The following TSPOAP1 variants were observed in gnomAD, a reference collection of about 807,000 sequenced individuals.
The protein encoded by TSPOAP1 is peripheral-type benzodiazepine receptor-associated protein 1.
A neutral mutation model predicts 197.0 loss-of-function variants in TSPOAP1; 87 were observed. That is an observed-to-expected ratio of 0.44 (90% CI 0.37 to 0.53). The LOEUF is 0.53. Ranked by LOEUF, TSPOAP1 falls within the 20% of genes least tolerant of loss-of-function variation. TSPOAP1 has a pLI of 0.00. For synonymous variants in TSPOAP1, 913 were observed against 998.9 expected (o/e 0.91, Z 1.62); for missense variants, 2,174 against 2,411.3 (o/e 0.90, Z 2.06).
At chr17:58,303,753 C>G (rs1182914703) in intron 31 of TSPOAP1, 1 of 152,268 alleles carries the variant, frequency 6.6e-6, no homozygotes, top group Non-Finnish European at 1.5e-5. Flanking sequence ...GCTCAAGTGA[C>G]TCCCACCTCA....
At position 58,312,402 on chromosome 17, in the gene TSPOAP1, C is replaced by A. The variant is rs756733244; in HGVS notation, c.2419G>T (p.Val807Leu). The A allele has an allele frequency of 1.9e-6, 3 of 1,612,738 alleles. No individual in the cohort carries two copies. Among genetic ancestry groups the A allele is most frequent in the South Asian group, 1.1e-5 (1 of 90,954 alleles). The change falls in exon 17 of 32, where the codon GTG becomes TTG. Residue 807 changes from valine to leucine, a missense_variant. By Grantham distance (32) the Val-to-Leu change is conservative. Around this residue, in one of 5 missense-constraint regions of TSPOAP1, gnomAD observed 1,933 missense variants for 2,139.0 expected, o/e 0.90. Transcript: ENST00000343736. ...GGAGGCGGCTCCCAGGCCAGCACCA[C>A]GCTGTGGGCCAGCTGCTTGAGGACC... is the stretch of plus-strand genomic sequence containing the variant. ...LVVLKQLAHS[V>L]VLAWEPPPEQ...
Position 58,311,643 on chromosome 17 carries a change from G to A in TSPOAP1, c.3009C>T (p.Val1003=). The change falls in exon 18 of 32, where the codon GTC becomes GTT. Residue 1003 remains valine, a synonymous_variant. Transcript: ENST00000343736. ...PGILIISWLP[V]TIDAAGTSNG... is the part of the protein sequence containing the mutation. Reference sequence around the variant, plus strand: ...TGGATGTGCCAGCAGCATCGATGGTGACTGGGAGCCAACTGATGATCAAGA... The same window carrying A: ...TGGATGTGCCAGCAGCATCGATGGTAACTGGGAGCCAACTGATGATCAAGA... 3 of 1,611,358 alleles carry A rather than the reference G, an allele frequency of 1.9e-6. No individual in the cohort carries two copies. The highest frequency in any genetic ancestry group is 3.3e-5 in the Admixed American group (2 of 59,808).
In TSPOAP1 at chr17:58,327,571, C is replaced by A; in HGVS notation, c.333+17G>T. 1 of 1,605,412 alleles carries A rather than the reference C, an allele frequency of 6.2e-7. No individual in the cohort carries two copies. Among genetic ancestry groups the A allele is most frequent in the Non-Finnish European group, 8.5e-7 (1 of 1,174,300 alleles). The stretch of plus-strand genomic sequence containing the variant: ...GACCCCCACCTTGCAGACCCCAGCC[C>A]TCCACAGATCCCTTACCTTCAGGAA... On this transcript the variant is annotated intron_variant, in intron 1 of 31. Transcript: ENST00000343736.
chr17:58,320,715 A>T (rs1971379821), intron 10 of TSPOAP1, 134 bp from the exon 11 acceptor site: 1 of 622,178 alleles, frequency 1.6e-6, no homozygotes, highest in African/African-American at 1.9e-5. Flanking sequence ...AAGGGTAGGG[A>T]GAGAGGGAAG....
Position 58,311,176 on chromosome 17 carries a change from A to G in TSPOAP1, c.3119T>C (p.Leu1040Pro). 2 of 1,611,946 alleles carry G rather than the reference A, an allele frequency of 1.2e-6. No individual in the cohort carries two copies. Among genetic ancestry groups the G allele is most frequent in the Non-Finnish European group, 1.7e-6 (2 of 1,179,678 alleles). ...CAGCTGCAGCTGGGACAACTCCACC[A>G]GTACACTGCCTGCCGTGGGTGAGGC... is the stretch of plus-strand genomic sequence containing the variant. ...EVASPTAGSV[L>P]VELSQLQLLQ... Residue 1040 changes from leucine to proline, a missense_variant, in exon 19 of 32, where the codon CTG (leucine) becomes CCG (proline). Leu to Pro is a moderately conservative substitution (Grantham distance 98). This residue lies in a region of TSPOAP1 where 1,933 missense variants were observed against 2,139.0 expected (regional missense o/e 0.90). Coordinates refer to ENST00000343736, the MANE Select transcript of TSPOAP1 (RefSeq NM_004758.4).
chr17:58,305,060 C>T lies in TSPOAP1; in HGVS notation c.5544+1G>A. The T allele has an allele frequency of 6.2e-7, 1 of 1,612,862 alleles. No homozygotes were observed. Among genetic ancestry groups the T allele is most frequent in the Non-Finnish European group, 8.5e-7 (1 of 1,178,930 alleles). ...AGCTGGGAGCCCAGCTCCTCACTGA[C>T]CTGACTCTCAGCCTGGGGTGTCCTG... On this transcript the variant is annotated splice_donor_variant, in intron 30 of 31. Transcript: ENST00000343736. LOFTEE classifies it high-confidence loss of function.
chr17:58,321,326 C>T (rs1971399384), intron 10 of TSPOAP1, among the ~76,000 whole-genome samples: 1 of 149,420 alleles, frequency 6.7e-6, no homozygotes, highest in Non-Finnish European at 1.5e-5. Flanking sequence ...GAGATGGAGT[C>T]TCGCTCTGTC....
In TSPOAP1 at chr17:58,304,266, G is replaced by A; in HGVS notation, c.*32+72C>T. ...AAGCTGGGTCAGCTCCAGTATTTGA[G>A]ACAAAGGAGCACTGTCTGATTATGG... On this transcript the variant is annotated intron_variant, in intron 31 of 31. Transcript: ENST00000343736. The surrounding 1 kb of genome is among the most constrained non-coding windows in gnomAD (Gnocchi z 4.2). The A allele has an allele frequency of 7.4e-7, 1 of 1,343,224 alleles. No individual in the cohort carries two copies. Among genetic ancestry groups the A allele is most frequent in the Non-Finnish European group, 1.1e-6 (1 of 944,950 alleles). 83.2% of individuals were successfully genotyped at this position (1,343,224 alleles called of 1,614,324 possible).
Position 58,306,467 on chromosome 17 carries a change from C to A in TSPOAP1, c.5153-54G>T, listed in dbSNP as rs1203792631. On this transcript the variant is annotated intron_variant, in intron 25 of 31. Transcript: ENST00000343736. ...GGCAGGGGAGGTGGGAGAGACAGGA[C>A]TGGGACTCTGGAGTTTCCTCTCAGG... is the stretch of plus-strand genomic sequence containing the variant. 1.0e-5 allele frequency: 15 copies of A among 1,473,988 alleles called. No homozygotes were observed. The East Asian group carries it at 3.2e-4, about 32-fold the overall frequency. 91.3% of individuals were successfully genotyped at this position (1,473,988 alleles called of 1,614,324 possible). A position where few individuals can be genotyped will look rare whatever the true frequency, so the allele number is the denominator to read the frequency against.
rs1971707570 is a variant in TSPOAP1 at position 58,327,979 on chromosome 17, G to A, written c.-59C>T. On this transcript the variant is annotated 5_prime_UTR_variant, in exon 1 of 32. Coordinates refer to ENST00000343736, the MANE Select transcript of TSPOAP1 (RefSeq NM_004758.4). ...GGGACATCACCCAGCCAGGTGGGGGGACTGGCGAGGGTCATGCCAGGCCAG... is the reference window on the plus strand; with the variant it reads ...GGGACATCACCCAGCCAGGTGGGGGAACTGGCGAGGGTCATGCCAGGCCAG... 4 of 1,435,302 alleles carry A rather than the reference G, an allele frequency of 2.8e-6. No homozygotes were observed. Among genetic ancestry groups the A allele is most frequent in the East Asian group, 2.4e-5 (1 of 41,140 alleles). 88.9% of individuals were successfully genotyped at this position (1,435,302 alleles called of 1,614,324 possible).
Position 58,309,486 on chromosome 17 carries a change from C to T in TSPOAP1, c.3892-106G>A, listed in dbSNP as rs537358917. 6.2e-5 allele frequency: 89 copies of T among 1,426,324 alleles called. 3 individuals carry two copies. In the South Asian group the frequency reaches 9.2e-4, roughly 15 times the overall value. 88.4% of individuals were successfully genotyped at this position (1,426,324 alleles called of 1,614,324 possible). Reference sequence around the variant, plus strand: ...TGCCCTCAAACGAAGGCAGGGGTTACGGACAACCCCACAGCCCTCCCACGG... The same window carrying T: ...TGCCCTCAAACGAAGGCAGGGGTTATGGACAACCCCACAGCCCTCCCACGG... On this transcript the variant is annotated intron_variant, in intron 21 of 31. Coordinates refer to ENST00000343736, the MANE Select transcript of TSPOAP1 (RefSeq NM_004758.4). This position sits in a 1 kb window ranked among gnomAD's most constrained non-coding sequence, Gnocchi z 5.0.
chr17:58,304,576 C>G lies in TSPOAP1; in HGVS notation c.5545-177G>C. The G allele has an allele frequency of 1.6e-6, 1 of 622,260 alleles. No individual in the cohort carries two copies. The allele number at this position is 622,260 out of a possible 1,614,324, so 38.5% of individuals were successfully genotyped here. On this transcript the variant is annotated intron_variant, in intron 30 of 31. Transcript: ENST00000343736. This position sits in a 1 kb window ranked among gnomAD's most constrained non-coding sequence, Gnocchi z 4.2. ...GGCCTCTTCACCCTCTCTCCCTGCC[C>G]TCTGAGAGTGGAGGCTTAGTTGTAT...
rs371365018 is a variant in TSPOAP1, at chr17:58,305,574, T to C, written c.5327A>G (p.Asn1776Ser). The C allele has an allele frequency of 2.4e-4, 388 of 1,584,360 alleles. No homozygotes were observed. The highest frequency in any genetic ancestry group is 3.3e-4 in the Non-Finnish European group (380 of 1,165,628). Residue 1776 changes from asparagine (N) to serine (S), a missense_variant, in exon 28 of 32, where the codon AAC becomes AGC. Physicochemically the swap from Asn to Ser is conservative, Grantham distance 46 (BLOSUM62 1). Around this residue, in one of 5 missense-constraint regions of TSPOAP1, gnomAD observed 161 missense variants for 159.1 expected, o/e 1.01. Coordinates refer to ENST00000343736, the MANE Select transcript of TSPOAP1 (RefSeq NM_004758.4). ...PHSMVAAFDY[N>S]PQESSPNMDV... ...CATATTGGGGGAACTCTCCTGGGGG[T>C]TGTAGTCAAATGCAGCCACCATGGA... is the stretch of plus-strand genomic sequence containing the variant.
rs770221139 is a variant in TSPOAP1, at chr17:58,305,659, G to A, written c.5258-16C>T. The A allele has an allele frequency of 1.4e-5, 20 of 1,421,222 alleles. No individual in the cohort carries two copies. The highest frequency in any genetic ancestry group is 2.8e-5 in the African/African-American group (2 of 70,720). The allele number at this position is 1,421,222 out of a possible 1,614,324, so 88.0% of individuals were successfully genotyped here. On this transcript the variant is annotated splice_polypyrimidine_tract_variant and intron_variant, in intron 27 of 31. Transcript: ENST00000343736. ...TTAGGGGGGCCTGCAGGGGGAGTAG[G>A]AGAAGACTCTGGACTCTCTGGAGAG...
rs188192284 is a variant in TSPOAP1, at chr17:58,308,053, G to A, written c.4732-112C>T. 707 of 1,101,634 alleles carry A rather than the reference G, an allele frequency of 6.4e-4. 3 individuals carry two copies. In the African/African-American group the frequency reaches 0.01, roughly 16 times the overall value. The allele number at this position is 1,101,634 out of a possible 1,614,324, so 68.2% of individuals were successfully genotyped here. On this transcript the variant is annotated intron_variant, in intron 22 of 31. Coordinates refer to ENST00000343736, the MANE Select transcript of TSPOAP1 (RefSeq NM_004758.4). ...AGCAGCACAGCAGCGCAGGAGCACA[G>A]CATTCCTCTCCCGGAGCCTCGGCCC...
intron 4 of TSPOAP1, 115 bp downstream of exon 4, chr17:58,325,419 C>T: frequency 2.1e-6 from 3 of 1,398,762 alleles, no homozygotes; most frequent in Non-Finnish European, 2.9e-6. Context: ...CTACTCCCAG[C>T]AACCTCCACC....
rs1386724901 is a variant in TSPOAP1 at position 58,306,815 on chromosome 17, G to A, written c.5137C>T (p.Leu1713Phe). Reference protein sequence around the residue: ...LQRGYLSPDILLEGSGNGPFV... With the variant: ...LQRGYLSPDIFLEGSGNGPFV... ...CAGGTCATACCTGAGCCCTCAAGGA[G>A]AATATCTGGGGACAAATAACCCCGC... Residue 1713 changes from leucine to phenylalanine, a missense_variant, in exon 25 of 32, where the codon CTC becomes TTC. Around this residue, in one of 5 missense-constraint regions of TSPOAP1, gnomAD observed 161 missense variants for 159.1 expected, o/e 1.01. Coordinates refer to ENST00000343736, the MANE Select transcript of TSPOAP1 (RefSeq NM_004758.4). 2 of 1,613,752 alleles carry A rather than the reference G, an allele frequency of 1.2e-6. No homozygotes were observed. Among genetic ancestry groups the A allele is most frequent in the South Asian group, 2.2e-5 (2 of 91,068 alleles).
rs1971049020 is a variant in TSPOAP1 at position 58,310,578 on chromosome 17, C to T, written c.3633G>A (p.Gln1211=). ...ASSSTQGARA[Q]QAPNTEMCQG... ...GGCACATCTCGGTATTTGGCGCCTG[C>T]TGGGCCCGTGCTCCCTGGGTGGAGC... The change falls in exon 20 of 32, where the codon CAG becomes CAA. Residue 1211 remains glutamine, a synonymous_variant. Coordinates refer to ENST00000343736, the MANE Select transcript of TSPOAP1 (RefSeq NM_004758.4). 6.2e-7 allele frequency: 1 copy of T among 1,613,324 alleles called. No individual in the cohort carries two copies. Among genetic ancestry groups the T allele is most frequent in the Non-Finnish European group, 8.5e-7 (1 of 1,180,036 alleles).
At position 58,326,643 on chromosome 17, in the gene TSPOAP1, G is replaced by T; in HGVS notation, c.441+40C>A. On this transcript the variant is annotated intron_variant, in intron 2 of 31. Coordinates refer to ENST00000343736, the MANE Select transcript of TSPOAP1 (RefSeq NM_004758.4). The surrounding 1 kb of genome is among the most constrained non-coding windows in gnomAD (Gnocchi z 4.7). ...GGAGGGCACTGAGGCAGAGGGCCTG[G>T]CTCCAGCCAGAACGCAGCACCCCAG... is the stretch of plus-strand genomic sequence containing the variant. 6.2e-7 allele frequency: 1 copy of T among 1,601,666 alleles called. No homozygotes were observed. The highest frequency in any genetic ancestry group is 8.6e-7 in the Non-Finnish European group (1 of 1,169,266).
Sources: gnomAD v4.1 joint callset for allele counts (sites outside exome capture counted in the v4.1 genomes callset) on GRCh38, gnomAD v4.1.1 for gene constraint, gnomAD v4.1.1 regional missense constraint, Gnocchi (gnomAD v3.1) non-coding constraint, MANE v1.5 for transcripts, NCBI Gene and HGNC (gene_info 2026-07-23, HGNC 2026-07-21) for gene names.